Variants in VPS13D observed in about 807,000 individuals in gnomAD.
The protein encoded by VPS13D is intermembrane lipid transfer protein VPS13D.
A neutral mutation model predicts 461.9 loss-of-function variants in VPS13D; 187 were observed. That is an observed-to-expected ratio of 0.40 (90% CI 0.36 to 0.46). The LOEUF (loss-of-function observed/expected upper bound fraction) is 0.46, where lower values mean the gene tolerates loss of function less well. Among genes scored for constraint, VPS13D ranks in the 20% least tolerant of loss-of-function variants. VPS13D has a pLI of 0.60. For missense variants in VPS13D, 4,711 were observed against 5,364.9 expected, an observed-to-expected ratio of 0.88 and a Z score of 3.81; for synonymous variants, 1,951 against 1,986.3, an observed-to-expected ratio of 0.98 and a Z score of 0.47.
intron 67 of VPS13D, among the ~76,000 whole-genome samples, chr1:12,482,940 C>T (rs1419482540): frequency 6.6e-6 from 1 of 152,072 alleles, no homozygotes; most frequent in African/African-American, 2.4e-5. Flanking sequence ...TACAAATATT[C>T]CATAAGCTAC....
intron 63 of VPS13D, among the ~76,000 whole-genome samples, chr1:12,410,247 C>G (rs1258160863): frequency 6.6e-6 from 1 of 152,182 alleles, no homozygotes; most frequent in Admixed American, 6.5e-5. Context: ...AAACAGTCTT[C>G]TAAGCAGTTT....
chr1:12,348,879 A>C lies in VPS13D; in HGVS notation c.9126A>C (p.Ala3042=). 1 of 1,614,212 alleles carries C rather than the reference A, an allele frequency of 6.2e-7. No individual in the cohort carries two copies. The highest frequency in any genetic ancestry group is 1.3e-5 in the African/African-American group (1 of 75,048). The change falls in exon 45 of 70, where the codon GCA becomes GCC. Residue 3042 remains alanine, a synonymous_variant. Transcript: ENST00000620676. ...VVFAVTMEGS[A]RKVITVRSAL... ...TTGCAGTGACTATGGAAGGCAGTGC[A>C]CGGAAAGTCATCACTGTCCGGTCAG...
At chr1:12,433,587 G>A (rs1193460899) in intron 65 of VPS13D, among the ~76,000 whole-genome samples, 2 of 152,228 alleles carry the variant, frequency 1.3e-5, no homozygotes, top group Admixed American at 6.5e-5. Flanking sequence ...CCAAGTTCAC[G>A]CAGTGGACTT....
chr1:12,493,959 A>C (rs896901877), intron 67 of VPS13D, among the ~76,000 whole-genome samples: 7 of 152,204 alleles, frequency 4.6e-5, no homozygotes, highest in South Asian at 2.1e-4. Context: ...AGTGGGGGGA[A>C]AATTCCTTTA....
At chr1:12,407,780 CTA>C (rs151077311) in intron 63 of VPS13D, among the ~76,000 whole-genome samples, 3,546 of 152,264 alleles carry the variant, frequency 0.023, 76 homozygotes, top group African/African-American at 0.044. Flanking sequence ...GTAATAGTGT[CTA>C]TGATGAAGGT....
rs1645583594 is a variant in VPS13D, at chr1:12,473,109, A to G, written c.12662+12713A>G. ...TCACCACCCCTCATTGAACCATAAAAGCTATTCAGAGGGGCCAGCAGCTGG... is the reference window on the plus strand; with the variant it reads ...TCACCACCCCTCATTGAACCATAAAGGCTATTCAGAGGGGCCAGCAGCTGG... On this transcript the variant is annotated intron_variant, in intron 67 of 69. Transcript: ENST00000620676. The surrounding 1 kb of genome is among the most constrained non-coding windows in gnomAD (Gnocchi z 4.2). Among the ~76,000 whole-genome samples, 1 of 152,190 alleles carries G rather than the reference A, an allele frequency of 6.6e-6. No homozygotes were observed. Among genetic ancestry groups the G allele is most frequent in the African/African-American group, 2.4e-5 (1 of 41,436 alleles).
intron 67 of VPS13D, among the ~76,000 whole-genome samples, chr1:12,468,551 G>T (rs1416821506): frequency 6.6e-6 from 1 of 152,196 alleles, no homozygotes; most frequent in Admixed American, 6.5e-5. Context: ...TTATGGCTCG[G>T]AAGCACTGAG....
At chr1:12,409,802 G>A in intron 63 of VPS13D, 1 of 453,810 alleles carries the variant, frequency 2.2e-6, no homozygotes, top group South Asian at 1.6e-5. Context: ...TGGGGGCGGG[G>A]TTGGGGAGTG....
intron 68 of VPS13D, among the ~76,000 whole-genome samples, chr1:12,504,874 C>T (rs531894105): frequency 1.3e-5 from 2 of 152,178 alleles, no homozygotes; most frequent in Non-Finnish European, 2.9e-5. Flanking sequence ...AGCATCTGCC[C>T]GGATGGGAAG....
intron 65 of VPS13D, among the ~76,000 whole-genome samples, chr1:12,418,847 G>A (rs1644827757): frequency 6.6e-6 from 1 of 152,118 alleles, no homozygotes; most frequent in Non-Finnish European, 1.5e-5. Flanking sequence ...CCCCATCAGG[G>A]CCAGTTTGAC....
rs754160705 is a variant in VPS13D, at chr1:12,277,669, T to C, written c.4081T>C (p.Tyr1361His). ...CTTTATCTTAGAGGAAAATGAAATATATGGGTTTGACCTAGCTTCGTCTCA... is the reference window on the plus strand; with the variant it reads ...CTTTATCTTAGAGGAAAATGAAATACATGGGTTTGACCTAGCTTCGTCTCA... ...EPFILEENEIYGFDLASSHLD... is the reference protein window; with the variant it reads ...EPFILEENEIHGFDLASSHLD... The change falls in exon 19 of 70, where the codon TAT becomes CAT. Residue 1361 changes from tyrosine to histidine, a missense_variant. Tyr to His is a moderately conservative substitution (Grantham distance 83). Transcript: ENST00000620676. The C allele has an allele frequency of 3.1e-6, 5 of 1,614,004 alleles. No individual in the cohort carries two copies. The highest frequency in any genetic ancestry group is 1.1e-5 in the South Asian group (1 of 91,074).
In VPS13D at chr1:12,260,632, G is replaced by T. The variant is rs571911395; in HGVS notation, c.1111-61G>T. 8 of 1,430,702 alleles carry T rather than the reference G, an allele frequency of 5.6e-6. No homozygotes were observed. The Admixed American group carries it at 1.5e-4, about 26-fold the overall frequency. 88.6% of individuals were successfully genotyped at this position (1,430,702 alleles called of 1,614,324 possible). On this transcript the variant is annotated intron_variant, in intron 10 of 69. Transcript: ENST00000620676. ...TTTTAGTGGCTTGTGAGGGTGTCCA[G>T]TGTCTCTGGATCTACAACGTTTGTG... is the stretch of plus-strand genomic sequence containing the variant.
Position 12,406,620 on chromosome 1 carries a change from C to T in VPS13D, c.12030+2647C>T, listed in dbSNP as rs557600583. On this transcript the variant is annotated intron_variant, in intron 63 of 69. Transcript: ENST00000620676. ...TATCTCAATTGGATTCCTTACTCTG[C>T]GGTGGAAGAATGGGGAGATAATAGT... Among the ~76,000 whole-genome samples the T allele has an allele frequency of 6.6e-5, 10 of 152,204 alleles. No homozygotes were observed. In the East Asian group the frequency reaches 9.6e-4, roughly 15 times the overall value.
chr1:12,352,177 G>C (rs1643811282), intron 46 of VPS13D, among the ~76,000 whole-genome samples: 1 of 151,920 alleles, frequency 6.6e-6, no homozygotes, highest in Non-Finnish European at 1.5e-5. Context: ...TGTAATCCCA[G>C]CTACTCCAGA....
chr1:12,470,681 G>A (rs1431971638), intron 67 of VPS13D, among the ~76,000 whole-genome samples: 1 of 152,132 alleles, frequency 6.6e-6, no homozygotes, highest in African/African-American at 2.4e-5. Flanking sequence ...AAGCTGTTTG[G>A]TTTGTGTGTT....
intron 66 of VPS13D, 34 bp from the exon 67 acceptor site, chr1:12,460,167 G>C (rs780126519): frequency 6.6e-7 from 1 of 1,505,904 alleles, no homozygotes; most frequent in Non-Finnish European, 8.9e-7. Context: ...TTTTGTCCTC[G>C]TCAGGTTACA....
rs762048020 is a variant in VPS13D at position 12,253,787 on chromosome 1, T to C, written c.630T>C (p.Asp210=). 9 of 1,614,040 alleles carry C rather than the reference T, an allele frequency of 5.6e-6. No individual in the cohort carries two copies. The highest frequency in any genetic ancestry group is 5.9e-6 in the Non-Finnish European group (7 of 1,180,016). The change falls in exon 7 of 70, where the codon GAT becomes GAC. Residue 210 remains aspartate (D), a synonymous_variant. Transcript: ENST00000620676. ...VAEFSIYWDV[D]CTLLGDLPQM... ...AATTTAGCATCTATTGGGATGTCGA[T>C]TGCACTTTACTGGGGGATTTGCCTC...
chr1:12,279,708 GAT>G lies in VPS13D; in HGVS notation c.4602+65_4602+66del, dbSNP rs1395703495. The G allele has an allele frequency of 7.6e-7, 1 of 1,312,712 alleles. No individual in the cohort carries two copies. The highest frequency in any genetic ancestry group is 1.5e-5 in the African/African-American group (1 of 67,482). The allele number at this position is 1,312,712 out of a possible 1,614,324, so 81.3% of individuals were successfully genotyped here. A position where few individuals can be genotyped will look rare whatever the true frequency, so the allele number is the denominator to read the frequency against. ...GTTTATATTAGTACTCTATAAATAT[GAT>G]ATATATTTATGTATATTACATGTTG... On this transcript the variant is annotated intron_variant, in intron 20 of 69. Coordinates refer to ENST00000620676, the MANE Select transcript of VPS13D (RefSeq NM_015378.4). The surrounding 1 kb of genome is among the most constrained non-coding windows in gnomAD (Gnocchi z 4.3).
At chr1:12,387,041 A>G (rs1644359077) in intron 60 of VPS13D, among the ~76,000 whole-genome samples, 1 of 152,192 alleles carries the variant, frequency 6.6e-6, no homozygotes, top group South Asian at 2.1e-4. Flanking sequence ...TTGAGTATTT[A>G]GCCAAGTATT....
Sources: allele counts gnomAD v4.1 joint callset (sites outside exome capture counted in the v4.1 genomes callset), GRCh38; gene constraint gnomAD v4.1.1; non-coding constraint Gnocchi (gnomAD v3.1); transcripts MANE v1.5; gene names NCBI Gene and HGNC (gene_info 2026-07-23, HGNC 2026-07-21).